The following COL23A1 variants were observed in gnomAD, a reference collection of about 807,000 sequenced individuals.
The protein encoded by COL23A1 is collagen alpha-1(XXIII) chain.
Under a neutral mutation model 99.3 loss-of-function variants are expected in COL23A1, and 97 were observed. That is an observed-to-expected ratio of 0.98 (90% confidence interval 0.83 to 1.16). The LOEUF is 1.16. Among genes scored for constraint, COL23A1 ranks in the 50% most tolerant of loss-of-function variants. The pLI is 0.00. For missense variants in COL23A1, 762 were observed against 757.4 expected (o/e 1.01, Z -0.07); for synonymous variants, 320 against 308.2 (o/e 1.04, Z -0.40).
chr5:178,339,631 C>T (rs1438393767), intron 2 of COL23A1, among the ~76,000 whole-genome samples: 2 of 152,230 alleles, frequency 1.3e-5, no homozygotes, highest in African/African-American at 2.4e-5. Context: ...GATGTAAGCA[C>T]TGAGGATATG....
chr5:178,394,626 G>T (rs1459684541), intron 2 of COL23A1, among the ~76,000 whole-genome samples: 1 of 152,212 alleles, frequency 6.6e-6, no homozygotes, highest in Non-Finnish European at 1.5e-5. Flanking sequence ...CTAGCATTTG[G>T]CTGCAAGTTC....
At chr5:178,331,873 G>A (rs1760043943) in intron 2 of COL23A1, among the ~76,000 whole-genome samples, 1 of 152,222 alleles carries the variant, frequency 6.6e-6, no homozygotes, top group East Asian at 1.9e-4. Flanking sequence ...TCAGCCGGCA[G>A]GGCCAGGCCA....
intron 2 of COL23A1, among the ~76,000 whole-genome samples, chr5:178,400,266 C>T (rs1301185330): frequency 6.8e-6 from 1 of 146,030 alleles, no homozygotes; most frequent in Non-Finnish European, 1.5e-5. Flanking sequence ...ACTGGGGAGG[C>T]TGAGGCAGGA....
At chr5:178,519,704 T>C (rs1011561467) in intron 2 of COL23A1, among the ~76,000 whole-genome samples, 1 of 152,224 alleles carries the variant, frequency 6.6e-6, no homozygotes, top group African/African-American at 2.4e-5. Flanking sequence ...CATCACTGTA[T>C]CTAAGAGCCT....
intron 2 of COL23A1, among the ~76,000 whole-genome samples, chr5:178,383,371 G>A (rs1248950595): frequency 1.3e-5 from 2 of 152,186 alleles, no homozygotes; most frequent in Non-Finnish European, 2.9e-5. Flanking sequence ...CCCAGTCTGT[G>A]GTCAGGAAAC....
chr5:178,425,421 C>CT (rs1561960858), intron 2 of COL23A1, among the ~76,000 whole-genome samples: 42 of 122,834 alleles, frequency 3.4e-4, no homozygotes, highest in Non-Finnish European at 5.5e-4. Flanking sequence ...GACTCCATCT[C>CT]AAAATAAATA....
chr5:178,379,709 T>C (rs184841566), intron 2 of COL23A1, among the ~76,000 whole-genome samples: 3 of 151,850 alleles, frequency 2.0e-5, no homozygotes, highest in Non-Finnish European at 4.4e-5. Flanking sequence ...TGGAGAAACC[T>C]TGTCTCTACT....
In COL23A1 at chr5:178,255,704, C is replaced by A. The variant is rs1765264008; in HGVS notation, c.882+649G>T. ...CCTTGCTTGGGCCTCATTTGCCAGC[C>A]CTCCCCCGTCCCCAGTCACAGCCTG... is the stretch of plus-strand genomic sequence containing the variant. On this transcript the variant is annotated intron_variant, in intron 15 of 28. Transcript: ENST00000390654. The surrounding 1 kb of genome is among the most constrained non-coding windows in gnomAD (Gnocchi z 4.2). 4.7e-6 allele frequency: 1 copy of A among 211,230 alleles called. No individual in the cohort carries two copies. The highest frequency in any genetic ancestry group is 5.3e-5 in the Admixed American group (1 of 18,772). 13.1% of individuals were successfully genotyped at this position (211,230 alleles called of 1,614,324 possible).
At position 178,307,825 on chromosome 5, in the gene COL23A1, C is replaced by G. The variant is rs1758445918; in HGVS notation, c.362-906G>C. Reference sequence around the variant, plus strand: ...ATACGTCTTGCTCACCCACTGTATGCCAGGATCTGGGCTGGGCCTGGAGGC... The same window carrying G: ...ATACGTCTTGCTCACCCACTGTATGGCAGGATCTGGGCTGGGCCTGGAGGC... On this transcript the variant is annotated intron_variant, in intron 2 of 28. Coordinates refer to ENST00000390654, the MANE Select transcript of COL23A1 (RefSeq NM_173465.4). This position sits in a 1 kb window ranked among gnomAD's most constrained non-coding sequence, Gnocchi z 4.2. 6.6e-6 allele frequency among the ~76,000 whole-genome samples: 1 copy of G among 152,224 alleles called. No individual in the cohort carries two copies. The highest frequency in any genetic ancestry group is 1.5e-5 in the Non-Finnish European group (1 of 68,044).
At chr5:178,393,391 G>A (rs1176379980) in intron 2 of COL23A1, among the ~76,000 whole-genome samples, 1 of 152,170 alleles carries the variant, frequency 6.6e-6, no homozygotes, top group East Asian at 1.9e-4. Context: ...GAGGAATGGG[G>A]AGTTATGGCT....
intron 2 of COL23A1, among the ~76,000 whole-genome samples, chr5:178,550,933 A>G (rs1761964937): frequency 6.6e-6 from 1 of 152,036 alleles, no homozygotes; most frequent in Non-Finnish European, 1.5e-5. Context: ...TGTTCTAGAA[A>G]TCTGTTTTCT....
At chr5:178,319,344 C>T (rs73344869) in intron 2 of COL23A1, among the ~76,000 whole-genome samples, 13,591 of 152,212 alleles carry the variant, frequency 0.089, 803 homozygotes, top group African/African-American at 0.17. Context: ...CACATGTACT[C>T]CTCTGAACTT....
chr5:178,425,924 C>A (rs572307027), intron 2 of COL23A1, among the ~76,000 whole-genome samples: 1 of 152,212 alleles, frequency 6.6e-6, no homozygotes, highest in Admixed American at 6.5e-5. Context: ...CCAGCCGCTC[C>A]CGATGGACTT....
chr5:178,459,218 C>T (rs909090926), intron 2 of COL23A1, among the ~76,000 whole-genome samples: 2 of 151,528 alleles, frequency 1.3e-5, no homozygotes, highest in Non-Finnish European at 2.9e-5. Flanking sequence ...AATTTGTTTA[C>T]GTGTAATAAA....
At chr5:178,511,961 T>G (rs1759228466) in intron 2 of COL23A1, among the ~76,000 whole-genome samples, 1 of 152,160 alleles carries the variant, frequency 6.6e-6, no homozygotes, top group Non-Finnish European at 1.5e-5. Context: ...CTATTGGGAG[T>G]AGAGATTTCG....
intron 13 of COL23A1, among the ~76,000 whole-genome samples, chr5:178,257,313 T>TA (rs1166292559): frequency 2.0e-5 from 3 of 152,090 alleles, no homozygotes; most frequent in African/African-American, 7.2e-5. Context: ...ACAAGAGGGC[T>TA]TGAGGGAGTG....
chr5:178,369,612 G>A (rs903641736), intron 2 of COL23A1, among the ~76,000 whole-genome samples: 2 of 152,164 alleles, frequency 1.3e-5, no homozygotes, highest in Admixed American at 6.5e-5. Flanking sequence ...CTGTTCTTGT[G>A]ACAGTGAATA....
Position 178,255,448 on chromosome 5 carries a change from G to A in COL23A1, c.883-422C>T, listed in dbSNP as rs115776492. 8.8e-3 allele frequency among the ~76,000 whole-genome samples: 1,326 copies of A among 151,346 alleles called. 18 individuals are homozygous for A. The highest frequency in any genetic ancestry group is 0.031 in the African/African-American group (1,277 of 41,174). Reference sequence around the variant, plus strand: ...CCAGCCTCTGGGAGCGGCTGCACACGCCAAGCACCCACACGCCTATTCCCG... The same window carrying A: ...CCAGCCTCTGGGAGCGGCTGCACACACCAAGCACCCACACGCCTATTCCCG... On this transcript the variant is annotated intron_variant, in intron 15 of 28. Coordinates refer to ENST00000390654, the MANE Select transcript of COL23A1 (RefSeq NM_173465.4). The surrounding 1 kb of genome is among the most constrained non-coding windows in gnomAD (Gnocchi z 4.2).
chr5:178,513,646 G>C (rs928275030), intron 2 of COL23A1, among the ~76,000 whole-genome samples: 8 of 151,946 alleles, frequency 5.3e-5, no homozygotes, highest in African/African-American at 1.9e-4. Flanking sequence ...TGTAATTGAG[G>C]GTGGATCCCA....
Sources: gnomAD v4.1 joint callset for allele counts (sites outside exome capture counted in the v4.1 genomes callset) on GRCh38, gnomAD v4.1.1 for gene constraint, Gnocchi (gnomAD v3.1) non-coding constraint, MANE v1.5 for transcripts, NCBI Gene and HGNC (gene_info 2026-07-23, HGNC 2026-07-21) for gene names.